Variants in SND1 observed in about 807,000 individuals in gnomAD.
SND1 encodes the protein staphylococcal nuclease domain-containing protein 1.
Under a neutral mutation model 121.7 loss-of-function variants are expected in SND1, and 38 were observed. That is an observed-to-expected ratio of 0.31 (90% CI 0.24 to 0.41). The LOEUF is 0.41. Among genes scored for constraint, SND1 ranks in the 10% least tolerant of loss-of-function variants. The pLI is 1.00. For synonymous variants in SND1, 401 were observed against 447.4 expected (o/e 0.90, Z 1.31); for missense variants, 868 against 1,184.6 (o/e 0.73, Z 3.92).
At chr7:127,720,011 G>A (rs151287093) in intron 9 of SND1, among the ~76,000 whole-genome samples, 1 of 152,138 alleles carries the variant, frequency 6.6e-6, no homozygotes, top group Non-Finnish European at 1.5e-5. Flanking sequence ...TTGGTTCTTT[G>A]TGTTTCCGGT....
At chr7:127,731,734 A>G (rs1325201759) in intron 10 of SND1, among the ~76,000 whole-genome samples, 1 of 152,178 alleles carries the variant, frequency 6.6e-6, no homozygotes, top group South Asian at 2.1e-4. Flanking sequence ...CCAGTTAATA[A>G]CAGCTTTTGG....
rs1348668089 is a variant in SND1, at chr7:127,701,255, G to A, written c.521G>A (p.Arg174Gln). The A allele has an allele frequency of 6.2e-7, 1 of 1,613,888 alleles. No homozygotes were observed. Among genetic ancestry groups the A allele is most frequent in the Non-Finnish European group, 8.5e-7 (1 of 1,179,972 alleles). ...WSEGNGSHTIRDLKYTIENPR... is the reference protein window; with the variant it reads ...WSEGNGSHTIQDLKYTIENPR... Reference sequence around the variant, plus strand: ...GAGGGGAACGGTTCACATACTATCCGGGATCTCAAGTATACCATTGAAAAC... The same window carrying A: ...GAGGGGAACGGTTCACATACTATCCAGGATCTCAAGTATACCATTGAAAAC... The change falls in exon 5 of 24, where the codon CGG becomes CAG. Residue 174 changes from arginine to glutamine, a missense_variant. Physicochemically the swap from Arg to Gln is conservative, Grantham distance 43. Transcript: ENST00000354725.
intron 14 of SND1, among the ~76,000 whole-genome samples, chr7:127,926,119 CT>C (rs1173772077): frequency 6.6e-6 from 1 of 152,040 alleles, no homozygotes; most frequent in African/African-American, 2.4e-5. Flanking sequence ...GGATTTATAG[CT>C]ACATCGCCTG....
intron 11 of SND1, among the ~76,000 whole-genome samples, chr7:127,824,074 C>A (rs1276960504): frequency 1.3e-5 from 2 of 152,130 alleles, no homozygotes; most frequent in Non-Finnish European, 2.9e-5. Flanking sequence ...AAAATGTAGG[C>A]AAACTTTTTA....
At chr7:127,870,472 C>G (rs1312543504) in intron 12 of SND1, among the ~76,000 whole-genome samples, 1 of 152,164 alleles carries the variant, frequency 6.6e-6, no homozygotes, top group Non-Finnish European at 1.5e-5. Flanking sequence ...AGTGTACTCA[C>G]AGGAACCCTG....
chr7:127,876,947 G>A (rs1363876736), intron 12 of SND1, among the ~76,000 whole-genome samples: 1 of 151,960 alleles, frequency 6.6e-6, no homozygotes, highest in African/African-American at 2.4e-5. Context: ...TGAAGATCAG[G>A]GAAAATATTA....
intron 1 of SND1, among the ~76,000 whole-genome samples, chr7:127,677,183 C>T (rs1482182617): frequency 3.3e-5 from 5 of 152,212 alleles, no homozygotes; most frequent in Admixed American, 6.5e-5. Context: ...TTGTGCTGGG[C>T]TCTGTGCTAA....
At chr7:127,916,564 A>G (rs17732677) in intron 14 of SND1, among the ~76,000 whole-genome samples, 90,219 of 151,964 alleles carry the variant, frequency 0.59, 27,212 homozygotes, top group East Asian at 0.75. Flanking sequence ...GAGTCCCTAG[A>G]CCAAGCCCTT....
At chr7:127,748,692 A>C (rs1797023583) in intron 10 of SND1, among the ~76,000 whole-genome samples, 1 of 152,234 alleles carries the variant, frequency 6.6e-6, no homozygotes, top group Non-Finnish European at 1.5e-5. Flanking sequence ...AACTACATGA[A>C]TTGGTCTGTT....
At chr7:127,831,593 G>A (rs1180621452) in intron 11 of SND1, among the ~76,000 whole-genome samples, 1 of 152,192 alleles carries the variant, frequency 6.6e-6, no homozygotes, top group African/African-American at 2.4e-5. Context: ...CCTTCTAACA[G>A]TGTTTAGCCT....
intron 9 of SND1, among the ~76,000 whole-genome samples, chr7:127,711,439 T>C (rs1293193816): frequency 6.6e-6 from 1 of 152,192 alleles, no homozygotes; most frequent in Non-Finnish European, 1.5e-5. Flanking sequence ...TCAGTAGTTA[T>C]CAGAAACTTT....
intron 10 of SND1, among the ~76,000 whole-genome samples, chr7:127,740,328 C>T (rs566318144): frequency 4.3e-4 from 66 of 151,784 alleles, no homozygotes; most frequent in Non-Finnish European, 6.2e-4. Context: ...TTTTTTTAAG[C>T]GTTTATTTTT....
At chr7:127,931,292 A>T (rs1331418118) in intron 15 of SND1, among the ~76,000 whole-genome samples, 1 of 152,196 alleles carries the variant, frequency 6.6e-6, no homozygotes, top group Non-Finnish European at 1.5e-5. Context: ...AGTGGTCTGG[A>T]TAGAAGATCA....
chr7:127,968,357 T>C (rs906584201), intron 15 of SND1, among the ~76,000 whole-genome samples: 4 of 152,198 alleles, frequency 2.6e-5, no homozygotes, highest in African/African-American at 7.2e-5. Context: ...GCAGTCTGTG[T>C]TGTCTGATAT....
chr7:127,879,317 T>C (rs1015530524), intron 12 of SND1, among the ~76,000 whole-genome samples: 1 of 152,126 alleles, frequency 6.6e-6, no homozygotes, highest in Non-Finnish European at 1.5e-5. Flanking sequence ...TCTGAACTTG[T>C]AGGGAAGATC....
chr7:127,707,694 C>A lies in SND1; in HGVS notation c.1038+47C>A, dbSNP rs114324932. On this transcript the variant is annotated intron_variant, in intron 9 of 23. Transcript: ENST00000354725. Reference sequence around the variant, plus strand: ...GATATGCATAGTGGACATTGCCAGGCGAGTAATAATACAAGAATTTGAACA... The same window carrying A: ...GATATGCATAGTGGACATTGCCAGGAGAGTAATAATACAAGAATTTGAACA... 1.6e-4 allele frequency: 238 copies of A among 1,470,332 alleles called. No individual in the cohort carries two copies. In the South Asian group the frequency reaches 2.5e-3, roughly 16 times the overall value. 91.1% of individuals were successfully genotyped at this position (1,470,332 alleles called of 1,614,324 possible).
At position 128,092,030 on chromosome 7, in the gene SND1, A is replaced by ATGCAGACGAATTTGGC. The variant is rs748878258; in HGVS notation, c.2707_2722dup (p.Tyr908CysfsTer42). 1.1e-5 allele frequency: 18 copies of ATGCAGACGAATTTGGC among 1,613,956 alleles called. No individual in the cohort carries two copies. The highest frequency in any genetic ancestry group is 1.5e-5 in the Non-Finnish European group (18 of 1,179,962). On this transcript the variant is annotated frameshift_variant, in exon 24 of 24. Transcript: ENST00000354725. LOFTEE classifies it high-confidence loss of function. The surrounding 1 kb of genome is among the most constrained non-coding windows in gnomAD (Gnocchi z 4.9). ...CGCTATGGAGACTTTCGAGCTGATG[A>ATGCAGACGAATTTGGC]TGCAGACGAATTTGGCTACAGCCGC...
At chr7:127,888,663 G>C (rs937864988) in intron 13 of SND1, among the ~76,000 whole-genome samples, 2 of 152,086 alleles carry the variant, frequency 1.3e-5, no homozygotes, top group African/African-American at 4.8e-5. Flanking sequence ...TGTGGTAGTT[G>C]AGTGATTCCC....
Position 127,680,765 on chromosome 7 carries a change from C to T in SND1, c.79-5848C>T, listed in dbSNP as rs566144342. ...GTTCTGAGGCGACATACATCCTCCT[C>T]GGCTTACGAGATGACAGGATTAAGA... is the stretch of plus-strand genomic sequence containing the variant. On this transcript the variant is annotated intron_variant, in intron 1 of 23. Coordinates refer to ENST00000354725, the MANE Select transcript of SND1 (RefSeq NM_014390.4). Among the ~76,000 whole-genome samples the T allele has an allele frequency of 8.0e-5, 12 of 150,106 alleles. No individual in the cohort carries two copies. The East Asian group carries it at 1.2e-3, about 15-fold the overall frequency.
Sources: allele counts gnomAD v4.1 joint callset (sites outside exome capture counted in the v4.1 genomes callset), GRCh38; gene constraint gnomAD v4.1.1; non-coding constraint Gnocchi (gnomAD v3.1); transcripts MANE v1.5; gene names NCBI Gene and HGNC (gene_info 2026-07-23, HGNC 2026-07-21).